CTNNA3: variants seen among roughly 807,000 people sequenced by gnomAD.
CTNNA3 encodes catenin alpha-3.
A neutral mutation model predicts 95.7 loss-of-function variants in CTNNA3; 76 were observed. The observed-to-expected ratio is 0.79, with a 90% confidence interval of 0.66 to 0.96. The LOEUF (loss-of-function observed/expected upper bound fraction) is 0.96, where lower values mean the gene tolerates loss of function less well. Among genes scored for constraint, CTNNA3 ranks in the 40% least tolerant of loss-of-function variants. The probability of loss-of-function intolerance (pLI) is 0.00; values close to 1 mark genes in which losing one functional copy is unlikely to be tolerated. For synonymous variants in CTNNA3, 431 were observed against 374.4 expected (o/e 1.15, Z -1.74); for missense variants, 1,191 against 1,089.8 (o/e 1.09, Z -1.31).
At chr10:66,640,162 T>A (rs1845467353) in intron 9 of CTNNA3, among the ~76,000 whole-genome samples, 1 of 152,130 alleles carries the variant, frequency 6.6e-6, no homozygotes. Context: ...TCTCAACTCC[T>A]CTTTCCTGTG....
At chr10:66,175,926 T>C (rs2085683691) in intron 13 of CTNNA3, among the ~76,000 whole-genome samples, 1 of 152,214 alleles carries the variant, frequency 6.6e-6, no homozygotes, top group Non-Finnish European at 1.5e-5. Context: ...TACAATAGTC[T>C]AACACAGGGA....
chr10:66,857,904 C>T (rs1189168285), intron 7 of CTNNA3, among the ~76,000 whole-genome samples: 4 of 152,070 alleles, frequency 2.6e-5, no homozygotes, highest in Non-Finnish European at 5.9e-5. Flanking sequence ...ATTTCTTGCT[C>T]TTGCCTGACT....
intron 9 of CTNNA3, among the ~76,000 whole-genome samples, chr10:66,727,381 T>A (rs1168806491): frequency 6.6e-6 from 1 of 152,060 alleles, no homozygotes; most frequent in Non-Finnish European, 1.5e-5. Flanking sequence ...AAGTATATAG[T>A]TTATTACTCT....
At chr10:66,210,580 T>C (rs1356557082) in intron 13 of CTNNA3, among the ~76,000 whole-genome samples, 1 of 152,128 alleles carries the variant, frequency 6.6e-6, no homozygotes, top group Non-Finnish European at 1.5e-5. Flanking sequence ...AATTGATACA[T>C]AAATAAATGT....
In CTNNA3 at chr10:66,397,462, A is replaced by G. The variant is rs2092987971; in HGVS notation, c.1532-18110T>C. ...GCCCACCAAATGATAGTAATTCCAA[A>G]CTAATATTTTCTATTTAATTAGTAC... On this transcript the variant is annotated intron_variant, in intron 11 of 17. Coordinates refer to ENST00000433211, the MANE Select transcript of CTNNA3 (RefSeq NM_013266.4). Among the ~76,000 whole-genome samples, 4 of 151,776 alleles carry G rather than the reference A, an allele frequency of 2.6e-5. No individual in the cohort carries two copies. The South Asian group carries it at 8.3e-4, about 31-fold the overall frequency.
chr10:67,191,922 G>A (rs4745930), intron 6 of CTNNA3, among the ~76,000 whole-genome samples: 55,500 of 151,648 alleles, frequency 0.37, 14,546 homozygotes, highest in African/African-American at 0.75. Context: ...AGAATTAAGA[G>A]CCCAGGAATA....
intron 5 of CTNNA3, among the ~76,000 whole-genome samples, chr10:67,330,500 T>C (rs965944776): frequency 3.9e-5 from 6 of 152,172 alleles, no homozygotes; most frequent in Non-Finnish European, 8.8e-5. Context: ...AAGCGCAGCA[T>C]ATATTACTAT....
upstream of CTNNA3, among the ~76,000 whole-genome samples, chr10:67,697,946 A>G (rs539065040): frequency 2.6e-5 from 4 of 152,280 alleles, no homozygotes; most frequent in East Asian, 7.7e-4. Flanking sequence ...TCAAATTTCC[A>G]TAGCTAACTA....
chr10:66,972,093 G>T (rs1382831630), intron 7 of CTNNA3, among the ~76,000 whole-genome samples: 1 of 152,044 alleles, frequency 6.6e-6, no homozygotes, highest in South Asian at 2.1e-4. Context: ...TTTAAGCTTT[G>T]TTTAGTGTTG....
chr10:66,851,278 C>A (rs1343621939), intron 7 of CTNNA3, among the ~76,000 whole-genome samples: 1 of 152,148 alleles, frequency 6.6e-6, no homozygotes, highest in Admixed American at 6.6e-5. Context: ...GCATCCATAT[C>A]CACCTACCTT....
chr10:66,879,986 T>C (rs1304277552), intron 7 of CTNNA3, among the ~76,000 whole-genome samples: 1 of 152,092 alleles, frequency 6.6e-6, no homozygotes, highest in Non-Finnish European at 1.5e-5. Context: ...TTGAAGATGT[T>C]GCAGCAAAGA....
intron 11 of CTNNA3, among the ~76,000 whole-genome samples, chr10:66,421,631 G>A (rs1315349635): frequency 1.3e-5 from 2 of 151,450 alleles, no homozygotes; most frequent in Non-Finnish European, 2.9e-5. Flanking sequence ...TCAAGAGATC[G>A]AGACCATCCT....
chr10:66,483,445 G>A (rs1470927533), intron 11 of CTNNA3, among the ~76,000 whole-genome samples: 2 of 151,510 alleles, frequency 1.3e-5, no homozygotes, highest in African/African-American at 4.8e-5. Context: ...TAGAATTGAG[G>A]GCAAAATAAA....
chr10:66,704,829 A>G (rs1848065934), intron 9 of CTNNA3, among the ~76,000 whole-genome samples: 1 of 152,138 alleles, frequency 6.6e-6, no homozygotes, highest in South Asian at 2.1e-4. Flanking sequence ...AAATGATCTC[A>G]TGTCATCTGT....
intron 7 of CTNNA3, among the ~76,000 whole-genome samples, chr10:67,040,253 C>T (rs560943774): frequency 1.3e-5 from 2 of 152,148 alleles, no homozygotes; most frequent in South Asian, 2.1e-4. Context: ...ACATGTGATC[C>T]TAAGGGTTCC....
intron 1 of CTNNA3, among the ~76,000 whole-genome samples, chr10:67,738,425 A>G (rs1334370215): frequency 1.3e-5 from 2 of 152,200 alleles, no homozygotes; most frequent in African/African-American, 4.8e-5. Flanking sequence ...CATCCACACC[A>G]AAACCCCATC....
chr10:66,347,800 A>C (rs899313453), intron 12 of CTNNA3, among the ~76,000 whole-genome samples: 1 of 152,140 alleles, frequency 6.6e-6, no homozygotes, highest in Non-Finnish European at 1.5e-5. Flanking sequence ...GCCTGGAAAT[A>C]CATAAATCTG....
intron 9 of CTNNA3, among the ~76,000 whole-genome samples, chr10:66,656,515 A>T (rs947165212): frequency 2.0e-5 from 3 of 152,102 alleles, no homozygotes; most frequent in Non-Finnish European, 4.4e-5. Flanking sequence ...GTTAGGAAGG[A>T]CTTTATACAT....
In CTNNA3 at chr10:67,097,709, G is replaced by A. The variant is rs764779792; in HGVS notation, c.1047+82608C>T. The A allele has an allele frequency of 1.7e-5, 28 of 1,612,506 alleles. 1 individual carries two copies. The South Asian group carries it at 2.3e-4, about 13-fold the overall frequency. On this transcript the variant is annotated intron_variant, in intron 7 of 17. Transcript: ENST00000433211. ...TTGAAACGAATGCACAGGAAGATAC[G>A]ATGGAAACACACCTAGAGACTGAGC...
Sources: gnomAD v4.1 joint callset for allele counts (sites outside exome capture counted in the v4.1 genomes callset) on GRCh38, gnomAD v4.1.1 for gene constraint, MANE v1.5 for transcripts, NCBI Gene and HGNC (gene_info 2026-07-23, HGNC 2026-07-21) for gene names.